FOXK1: variants seen among roughly 807,000 people sequenced by gnomAD.
The protein encoded by FOXK1 is forkhead box protein K1.
Under a neutral mutation model 51.9 loss-of-function variants are expected in FOXK1, and 19 were observed. The ratio of observed to expected loss-of-function variants is 0.37; its 90% CI spans 0.26 to 0.54. The LOEUF is 0.54. Ranked by LOEUF, FOXK1 falls within the 20% of genes least tolerant of loss-of-function variation. FOXK1 has a pLI of 0.87. For missense variants in FOXK1, 870 were observed against 1,032.7 expected, an observed-to-expected ratio of 0.84 and a Z score of 2.16; for synonymous variants, 537 against 482.6, an observed-to-expected ratio of 1.11 and a Z score of -1.48.
chr7:4,710,867 T>C (rs1780165472), intron 1 of FOXK1, among the ~76,000 whole-genome samples: 2 of 152,176 alleles, frequency 1.3e-5, no homozygotes, highest in Non-Finnish European at 2.9e-5. Context: ...CGTGGATTTT[T>C]CCCATTTGTT....
In FOXK1 at chr7:4,770,108, T is replaced by G. The variant is rs1781078383; in HGVS notation, c.*7644T>G. The stretch of plus-strand genomic sequence containing the variant: ...GAAATGAGAGACTCTGAATTAGAGT[T>G]TTTGTTTGTTTGTTTGTTCTCTGCA... On this transcript the variant is annotated 3_prime_UTR_variant, in exon 9 of 9. Transcript: ENST00000328914. 1 of 152,220 alleles carries G rather than the reference T, an allele frequency of 6.6e-6. No homozygotes were observed. 9.4% of individuals were successfully genotyped at this position (152,220 alleles called of 1,614,324 possible). A position where few individuals can be genotyped will look rare whatever the true frequency, so the allele number is the denominator to read the frequency against.
At chr7:4,708,398 A>T (rs1780132191) in intron 1 of FOXK1, among the ~76,000 whole-genome samples, 1 of 152,150 alleles carries the variant, frequency 6.6e-6, no homozygotes, top group African/African-American at 2.4e-5. Context: ...GGGGAAGCTC[A>T]CCCGAAGGTA....
intron 1 of FOXK1, among the ~76,000 whole-genome samples, chr7:4,690,660 T>C (rs1779879689): frequency 6.6e-6 from 1 of 152,246 alleles, no homozygotes; most frequent in Non-Finnish European, 1.5e-5. Context: ...GCCTTTGTCA[T>C]ACTGATGGAG....
intron 1 of FOXK1, among the ~76,000 whole-genome samples, chr7:4,699,285 GTT>G (rs1180572340): frequency 4.6e-5 from 6 of 130,358 alleles, no homozygotes; most frequent in African/African-American, 8.4e-5. Context: ...CACAGGGTTA[GTT>G]TTTTTTTTTT....
chr7:4,711,881 C>T lies in FOXK1; in HGVS notation c.561-28957C>T, dbSNP rs569730159. 6.6e-6 allele frequency among the ~76,000 whole-genome samples: 1 copy of T among 152,176 alleles called. No homozygotes were observed. Among genetic ancestry groups the T allele is most frequent in the East Asian group, 1.9e-4 (1 of 5,164 alleles). On this transcript the variant is annotated intron_variant, in intron 1 of 8. Transcript: ENST00000328914. The surrounding 1 kb of genome is among the most constrained non-coding windows in gnomAD (Gnocchi z 6.3). ...GGGGACCTGTGAGCTGGGCCTGGAG[C>T]TGAGGCAGAACTTGATGGACTATGA...
chr7:4,759,908 G>A (rs1780909249), intron 7 of FOXK1: 1 of 442,674 alleles, frequency 2.3e-6, no homozygotes, highest in African/African-American at 2.0e-5. Context: ...ATGCGCTCCT[G>A]TAGTCCCAGC....
rs563207684 is a variant in FOXK1 at position 4,768,525 on chromosome 7, G to C, written c.*6061G>C. 1.3e-5 allele frequency: 2 copies of C among 152,456 alleles called. No homozygotes were observed. The highest frequency in any genetic ancestry group is 1.3e-4 in the Admixed American group (2 of 15,274). 9.4% of individuals were successfully genotyped at this position (152,456 alleles called of 1,614,324 possible). On this transcript the variant is annotated 3_prime_UTR_variant, in exon 9 of 9. Transcript: ENST00000328914. Reference sequence around the variant, plus strand: ...GTCTCTGCTGGGCTTTTCCGGCCCCGTCCCAGCTCCTCCTCAGGCAGAGGC... The same window carrying C: ...GTCTCTGCTGGGCTTTTCCGGCCCCCTCCCAGCTCCTCCTCAGGCAGAGGC...
chr7:4,711,989 A>T lies in FOXK1; in HGVS notation c.561-28849A>T, dbSNP rs1780180178. 6.6e-6 allele frequency among the ~76,000 whole-genome samples: 1 copy of T among 151,458 alleles called. No individual in the cohort carries two copies. The highest frequency in any genetic ancestry group is 6.6e-5 in the Admixed American group (1 of 15,208). ...AGCAGGAGGGAGGACGCGGCAGGTC[A>T]CAGAGCCCACCAAGTCCGAAGCTGG... On this transcript the variant is annotated intron_variant, in intron 1 of 8. Transcript: ENST00000328914. This position sits in a 1 kb window ranked among gnomAD's most constrained non-coding sequence, Gnocchi z 6.3.
chr7:4,760,235 G>A (rs1001638220), intron 7 of FOXK1, among the ~76,000 whole-genome samples: 1 of 152,198 alleles, frequency 6.6e-6, no homozygotes, highest in Admixed American at 6.5e-5. Flanking sequence ...GTAAGTTAAA[G>A]ACTTTAGAAG....
chr7:4,719,747 G>T (rs1420948542), intron 1 of FOXK1, among the ~76,000 whole-genome samples: 1 of 152,196 alleles, frequency 6.6e-6, no homozygotes, highest in South Asian at 2.1e-4. Context: ...CTCTCAAGGT[G>T]CTGGGATTAC....
chr7:4,730,780 T>C lies in FOXK1; in HGVS notation c.561-10058T>C, dbSNP rs575573510. On this transcript the variant is annotated intron_variant, in intron 1 of 8. Transcript: ENST00000328914. This position sits in a 1 kb window ranked among gnomAD's most constrained non-coding sequence, Gnocchi z 4.7. ...GGTTGTCATAAATAAATGCCTTCCA[T>C]TTTTAATAGAAAGACAGTATTTTAG... 2.0e-5 allele frequency among the ~76,000 whole-genome samples: 3 copies of C among 152,210 alleles called. No individual in the cohort carries two copies. Among genetic ancestry groups the C allele is most frequent in the Non-Finnish European group, 4.4e-5 (3 of 68,044 alleles).
intron 1 of FOXK1, among the ~76,000 whole-genome samples, chr7:4,687,539 C>G (rs192791553): frequency 3.3e-5 from 5 of 152,118 alleles, no homozygotes; most frequent in African/African-American, 1.2e-4. Flanking sequence ...GTGATCCACC[C>G]GCCTTGGCCT....
rs1022792945 is a variant in FOXK1, at chr7:4,754,376, T to A, written c.747-83T>A. 4 of 1,500,190 alleles carry A rather than the reference T, an allele frequency of 2.7e-6. No individual in the cohort carries two copies. The African/African-American group carries it at 5.5e-5, about 21-fold the overall frequency. 92.9% of individuals were successfully genotyped at this position (1,500,190 alleles called of 1,614,324 possible). ...GAGCTTCTTCCCCACAGCCCCACCC[T>A]CTGGGTAGGTCCTGAAGCCCTGAGC... On this transcript the variant is annotated intron_variant, in intron 2 of 8. Transcript: ENST00000328914.
rs767923999 is a variant in FOXK1, at chr7:4,683,743, G to A, written c.560+875G>A. Among the ~76,000 whole-genome samples, 1 of 152,110 alleles carries A rather than the reference G, an allele frequency of 6.6e-6. No homozygotes were observed. Among genetic ancestry groups the A allele is most frequent in the African/African-American group, 2.4e-5 (1 of 41,434 alleles). ...TGACCCTGTCTGGTCTGGACCCTTG[G>A]GCCACCCCCACCCCATCCAGTCTGG... On this transcript the variant is annotated intron_variant, in intron 1 of 8. Transcript: ENST00000328914. The surrounding 1 kb of genome is among the most constrained non-coding windows in gnomAD (Gnocchi z 4.5).
chr7:4,714,928 G>C (rs1042605836), intron 1 of FOXK1, among the ~76,000 whole-genome samples: 2 of 152,182 alleles, frequency 1.3e-5, no homozygotes, highest in African/African-American at 4.8e-5. Context: ...TGGGAAGTCT[G>C]CGTGCACGTG....
rs1309772642 is a variant in FOXK1, at chr7:4,755,159, C to T, written c.904-78C>T. 1.9e-6 allele frequency: 3 copies of T among 1,558,498 alleles called. No individual in the cohort carries two copies. The highest frequency in any genetic ancestry group is 1.3e-5 in the African/African-American group (1 of 74,118). On this transcript the variant is annotated intron_variant, in intron 3 of 8. Coordinates refer to ENST00000328914, the MANE Select transcript of FOXK1 (RefSeq NM_001037165.2). This position sits in a 1 kb window ranked among gnomAD's most constrained non-coding sequence, Gnocchi z 6.6. ...CACATTCTCGTGGGAAGGTTCCTCCCCATCAGCTGTGACGGGTGGGTGGGG... is the reference window on the plus strand; with the variant it reads ...CACATTCTCGTGGGAAGGTTCCTCCTCATCAGCTGTGACGGGTGGGTGGGG...
At chr7:4,727,515 A>G (rs1430394385) in intron 1 of FOXK1, among the ~76,000 whole-genome samples, 1 of 150,772 alleles carries the variant, frequency 6.6e-6, no homozygotes, top group Non-Finnish European at 1.5e-5. Context: ...CCGTTTCACC[A>G]TGTTGGCCAG....
chr7:4,692,732 T>A (rs1413291419), intron 1 of FOXK1, among the ~76,000 whole-genome samples: 2 of 151,930 alleles, frequency 1.3e-5, no homozygotes, highest in African/African-American at 4.8e-5. Context: ...TCTTTTTTTT[T>A]ATTTATTTTT....
Position 4,685,681 on chromosome 7 carries a change from G to A in FOXK1, c.560+2813G>A, listed in dbSNP as rs535311756. On this transcript the variant is annotated intron_variant, in intron 1 of 8. Coordinates refer to ENST00000328914, the MANE Select transcript of FOXK1 (RefSeq NM_001037165.2). ...TCTTAAGCCTGGACTACAGCCTCAC[G>A]CCTGTAATCTCAGCACTTTGGGAGG... Among the ~76,000 whole-genome samples the A allele has an allele frequency of 4.6e-5, 7 of 152,032 alleles. No individual in the cohort carries two copies. In the East Asian group the frequency reaches 1.2e-3, roughly 25 times the overall value.
Sources: allele counts gnomAD v4.1 joint callset (sites outside exome capture counted in the v4.1 genomes callset), GRCh38; gene constraint gnomAD v4.1.1; non-coding constraint Gnocchi (gnomAD v3.1); transcripts MANE v1.5; gene names NCBI Gene and HGNC (gene_info 2026-07-23, HGNC 2026-07-21).